The following LETM1 variants were observed in gnomAD, a reference collection of about 807,000 sequenced individuals.
LETM1 encodes the protein mitochondrial proton/calcium exchanger protein.
A neutral mutation model predicts 74.5 loss-of-function variants in LETM1; 50 were observed. That is an observed-to-expected ratio of 0.67 (90% CI 0.53 to 0.85). LETM1 has a LOEUF of 0.85. Among genes scored for constraint, LETM1 ranks in the 40% least tolerant of loss-of-function variants. LETM1 has a pLI of 0.00. For missense variants in LETM1, 824 were observed against 967.8 expected (o/e 0.85, Z 1.97); for synonymous variants, 446 against 407.1 (o/e 1.10, Z -1.15).
intron 1 of LETM1, 37 bp downstream of exon 1, chr4:1,855,832 C>T: frequency 8.4e-7 from 1 of 1,183,858 alleles, no homozygotes; most frequent in Non-Finnish European, 1.1e-6. Flanking sequence ...ACCCACCAGC[C>T]GGGAGCCGGC....
At chr4:1,854,001 GATA>G (rs1467155276) in intron 1 of LETM1, among the ~76,000 whole-genome samples, 3 of 152,140 alleles carry the variant, frequency 2.0e-5, no homozygotes, top group Non-Finnish European at 4.4e-5. Flanking sequence ...TCAAAAATCT[GATA>G]ATAAGCACGA....
At chr4:1,845,564 T>C (rs1330773886) in intron 2 of LETM1, among the ~76,000 whole-genome samples, 2 of 151,420 alleles carry the variant, frequency 1.3e-5, no homozygotes, top group East Asian at 1.9e-4. Flanking sequence ...TTTTTTTTTT[T>C]CGAGACACAG....
intron 2 of LETM1, chr4:1,842,916 C>A: frequency 3.9e-6 from 1 of 255,948 alleles, no homozygotes; most frequent in Non-Finnish European, 8.1e-6. Flanking sequence ...GAGGCCCATT[C>A]AGCCTCACGA....
In LETM1 at chr4:1,841,403, G is replaced by A. The variant is rs1218688217; in HGVS notation, c.538C>T (p.Arg180Cys). The change falls in exon 3 of 14, where the codon CGC (arginine) becomes TGC (cysteine). Residue 180 changes from arginine (R) to cysteine (C), a missense_variant. Coordinates refer to ENST00000302787, the MANE Select transcript of LETM1 (RefSeq NM_012318.3). ...CCGTTGAGGATGCGCCAGAGCATGC[G>A]TGCCGCGATCTTGGTGTCGATCCAT... ...LLWIDTKIAA[R>C]MLWRILNGHS... 5.0e-6 allele frequency: 8 copies of A among 1,614,166 alleles called. No homozygotes were observed. In the South Asian group the frequency reaches 7.7e-5, roughly 16 times the overall value.
chr4:1,836,360 C>T lies in LETM1; in HGVS notation c.738+69G>A. The T allele has an allele frequency of 6.5e-7, 1 of 1,533,348 alleles. No homozygotes were observed. Among genetic ancestry groups the T allele is most frequent in the Admixed American group, 1.7e-5 (1 of 58,280 alleles). The allele number at this position is 1,533,348 out of a possible 1,614,324, so 95.0% of individuals were successfully genotyped here. A position where few individuals can be genotyped will look rare whatever the true frequency, so the allele number is the denominator to read the frequency against. On this transcript the variant is annotated intron_variant, in intron 4 of 13. Transcript: ENST00000302787. This position sits in a 1 kb window ranked among gnomAD's most constrained non-coding sequence, Gnocchi z 5.8. ...AAAATATCTAGCACCTGAAAAGTCA[C>T]AAACAAGGAAGCCATCACAATGAAT...
At chr4:1,825,879 G>A (rs1440206428) in intron 6 of LETM1, among the ~76,000 whole-genome samples, 196 bp from the exon 7 acceptor site, 4 of 151,994 alleles carry the variant, frequency 2.6e-5, no homozygotes, top group East Asian at 1.9e-4. Flanking sequence ...AGTGCAGAAC[G>A]GCCACGGTCA....
chr4:1,823,065 C>A lies in LETM1; in HGVS notation c.1399G>T (p.Glu467Ter). 1 of 1,610,566 alleles carries A rather than the reference C, an allele frequency of 6.2e-7. No individual in the cohort carries two copies. Among genetic ancestry groups the A allele is most frequent in the Non-Finnish European group, 8.5e-7 (1 of 1,178,054 alleles). Residue 467 changes from glutamate to a stop codon, truncating the protein, a stop_gained, in exon 9 of 14, where the codon GAG (glutamate) becomes TAG (stop). Coordinates refer to ENST00000302787, the MANE Select transcript of LETM1 (RefSeq NM_012318.3). LOFTEE classifies it high-confidence loss of function. ...GEQVDNKAKL[E>*]ATLQEEAAIQ... Reference sequence around the variant, plus strand: ...GCCGCCTCCTCCTGCAGCGTGGCCTCCAGCTTGGCCTTGTTGTCCACCTGC... The same window carrying A: ...GCCGCCTCCTCCTGCAGCGTGGCCTACAGCTTGGCCTTGTTGTCCACCTGC...
intron 11 of LETM1, 33 bp from the exon 12 acceptor site, chr4:1,816,947 T>C: frequency 1.9e-6 from 3 of 1,589,150 alleles, no homozygotes; most frequent in Non-Finnish European, 2.6e-6. Context: ...AAAAAGTTTG[T>C]CTTAAAAGAA....
At chr4:1,831,586 C>A (rs905465747) in intron 6 of LETM1, among the ~76,000 whole-genome samples, 1 of 152,270 alleles carries the variant, frequency 6.6e-6, no homozygotes, top group Non-Finnish European at 1.5e-5. Context: ...TCAAGCCCCC[C>A]ACCTGGTCTC....
chr4:1,847,047 C>G (rs772353523), intron 2 of LETM1, among the ~76,000 whole-genome samples: 2 of 150,684 alleles, frequency 1.3e-5, no homozygotes, highest in Admixed American at 6.6e-5. Context: ...ACAAAGAAAA[C>G]AGGCCGGGTG....
At chr4:1,840,233 C>G (rs994588939) in intron 3 of LETM1, among the ~76,000 whole-genome samples, 3 of 152,082 alleles carry the variant, frequency 2.0e-5, no homozygotes, top group African/African-American at 2.4e-5. Context: ...AAACATTAGC[C>G]GGGTGTGATG....
In LETM1 at chr4:1,856,057, G is replaced by A. The variant is rs923809647; in HGVS notation, c.-107C>T. 8.1e-6 allele frequency: 5 copies of A among 616,352 alleles called. No individual in the cohort carries two copies. The highest frequency in any genetic ancestry group is 1.9e-5 in the African/African-American group (1 of 51,514). 38.2% of individuals were successfully genotyped at this position (616,352 alleles called of 1,614,324 possible). A position where few individuals can be genotyped will look rare whatever the true frequency, so the allele number is the denominator to read the frequency against. On this transcript the variant is annotated 5_prime_UTR_variant, in exon 1 of 14. Transcript: ENST00000302787. ...CGCTTCAGACCCGGCCCGCGCGGAC[G>A]GCTGACAGAGGCGGCTGGCCTCGGA...
chr4:1,834,502 C>A lies in LETM1; in HGVS notation c.876+343G>T. The A allele has an allele frequency of 9.2e-7, 1 of 1,084,244 alleles. No individual in the cohort carries two copies. The highest frequency in any genetic ancestry group is 1.1e-6 in the Non-Finnish European group (1 of 890,920). The allele number at this position is 1,084,244 out of a possible 1,614,324, so 67.2% of individuals were successfully genotyped here. A position where few individuals can be genotyped will look rare whatever the true frequency, so the allele number is the denominator to read the frequency against. ...CTGACTCCAGCCAGAGGGCAATGCC[C>A]AGCAGAGGAGCCCGGCCAAGCCACC... On this transcript the variant is annotated intron_variant, in intron 5 of 13. Transcript: ENST00000302787. The surrounding 1 kb of genome is among the most constrained non-coding windows in gnomAD (Gnocchi z 5.0).
chr4:1,837,797 G>C (rs1166851331), intron 3 of LETM1, among the ~76,000 whole-genome samples: 1 of 147,386 alleles, frequency 6.8e-6, no homozygotes, highest in Non-Finnish European at 1.5e-5. Flanking sequence ...CCATCTCCCT[G>C]GTTCAAGCGA....
Position 1,814,074 on chromosome 4 carries a change from AT to A in LETM1, c.*349del. The stretch of plus-strand genomic sequence containing the variant: ...TGTGGGCGGAGTCCACGTGGTCCTC[AT>A]TCTCTTCCCTGGGGACAGGGCAGCA... On this transcript the variant is annotated 3_prime_UTR_variant, in exon 14 of 14. Transcript: ENST00000302787. The A allele has an allele frequency of 3.4e-6, 1 of 297,014 alleles. No individual in the cohort carries two copies. The highest frequency in any genetic ancestry group is 4.0e-5 in the South Asian group (1 of 24,772). The allele number at this position is 297,014 out of a possible 1,614,324, so 18.4% of individuals were successfully genotyped here. A position where few individuals can be genotyped will look rare whatever the true frequency, so the allele number is the denominator to read the frequency against.
intron 7 of LETM1, among the ~76,000 whole-genome samples, chr4:1,824,221 T>G (rs1711900979): frequency 6.6e-6 from 1 of 152,206 alleles, no homozygotes; most frequent in Admixed American, 6.5e-5. Flanking sequence ...CTTGGGTGGC[T>G]GAGGCACAAG....
chr4:1,818,594 C>G (rs1036998699), intron 11 of LETM1, among the ~76,000 whole-genome samples: 1 of 150,730 alleles, frequency 6.6e-6, no homozygotes, highest in Non-Finnish European at 1.5e-5. Context: ...GCCTGGGCGA[C>G]AGAGCTAGAC....
At chr4:1,827,892 C>T (rs1211038862) in intron 6 of LETM1, among the ~76,000 whole-genome samples, 24 of 148,252 alleles carry the variant, frequency 1.6e-4, no homozygotes, top group Non-Finnish European at 2.4e-4. Context: ...CCCCACCTCC[C>T]GGACGGGGCG....
chr4:1,841,595 C>T lies in LETM1; in HGVS notation c.346G>A (p.Asp116Asn), dbSNP rs150198439. 805 of 1,614,208 alleles carry T rather than the reference C, an allele frequency of 5.0e-4. No individual in the cohort carries two copies. Among genetic ancestry groups the T allele is most frequent in the Non-Finnish European group, 6.5e-4 (766 of 1,180,034 alleles). The change falls in exon 3 of 14, where the codon GAT becomes AAT. Residue 116 changes from aspartate (D) to asparagine (N), a missense_variant. Asp to Asn is a conservative substitution (Grantham distance 23, BLOSUM62 1). Around this residue, in one of 4 missense-constraint regions of LETM1, gnomAD observed 222 missense variants for 195.6 expected, o/e 1.14. Transcript: ENST00000302787. ...AGGGACTTCTCTACTACCGAGTCAT[C>T]GCGAACAGGGCGCGAAGAGTGCCAG... Reference protein sequence around the residue: ...RGWHSSRPVRDDSVVEKSLKS... With the variant: ...RGWHSSRPVRNDSVVEKSLKS...
Sources: gnomAD v4.1 joint callset for allele counts (sites outside exome capture counted in the v4.1 genomes callset) on GRCh38, gnomAD v4.1.1 for gene constraint, gnomAD v4.1.1 regional missense constraint, Gnocchi (gnomAD v3.1) non-coding constraint, MANE v1.5 for transcripts, NCBI Gene and HGNC (gene_info 2026-07-23, HGNC 2026-07-21) for gene names.